The following INTS7 variants were observed in gnomAD, a reference collection of about 807,000 sequenced individuals.
INTS7 encodes the protein integrator complex subunit 7, also known as chromosome 1 open reading frame 73.
In INTS7, 46 loss-of-function variants were observed where a neutral mutation model predicts 109.2. The observed-to-expected ratio is 0.42, with a 90% CI of 0.33 to 0.54. INTS7 has a LOEUF of 0.54. Among genes scored for constraint, INTS7 ranks in the 20% least tolerant of loss-of-function variants. The pLI, the probability that INTS7 is intolerant of heterozygous loss-of-function variation, is 0.07. For synonymous variants in INTS7, 412 were observed against 402.9 expected, an observed-to-expected ratio of 1.02 and a Z score of -0.27; for missense variants, 929 against 1,132.4, an observed-to-expected ratio of 0.82 and a Z score of 2.58.
chr1:212,024,384 G>C (rs1429567127), intron 1 of INTS7, among the ~76,000 whole-genome samples: 2 of 152,118 alleles, frequency 1.3e-5, no homozygotes, highest in Non-Finnish European at 2.9e-5. Context: ...CCTTTTGGTA[G>C]TGTTTTGTAG....
At chr1:211,944,168 C>A (rs541884427) in intron 19 of INTS7, among the ~76,000 whole-genome samples, 1 of 150,918 alleles carries the variant, frequency 6.6e-6, no homozygotes, top group Non-Finnish European at 1.5e-5. Context: ...ATGGAGAAAA[C>A]TAAATAGATG....
intron 4 of INTS7, among the ~76,000 whole-genome samples, chr1:212,013,951 A>G (rs182402219): frequency 1.3e-5 from 2 of 152,334 alleles, no homozygotes; most frequent in African/African-American, 4.8e-5. Context: ...GAGACGTGTG[A>G]CTGAAATTTT....
At chr1:211,969,198 T>C (rs989333281) in intron 13 of INTS7, among the ~76,000 whole-genome samples, 17 of 150,304 alleles carry the variant, frequency 1.1e-4, no homozygotes, top group African/African-American at 3.9e-4. Context: ...GGCAGGAGAA[T>C]GGCGTGAACC....
intron 7 of INTS7, among the ~76,000 whole-genome samples, chr1:211,999,466 TAC>T (rs1300336295): frequency 4.6e-5 from 7 of 152,174 alleles, no homozygotes; most frequent in Non-Finnish European, 1.0e-4. Flanking sequence ...AAGGACTGAC[TAC>T]AGAGGGGCCT....
At chr1:211,984,627 C>T (rs1440112762) in intron 8 of INTS7, among the ~76,000 whole-genome samples, 2 of 151,924 alleles carry the variant, frequency 1.3e-5, no homozygotes, top group Non-Finnish European at 2.9e-5. Context: ...TAATGATTTT[C>T]TAAGATAAAC....
chr1:211,948,874 A>AT (rs1662959510), intron 17 of INTS7, among the ~76,000 whole-genome samples: 1 of 152,142 alleles, frequency 6.6e-6, no homozygotes, highest in South Asian at 2.1e-4. Flanking sequence ...CGCCTGGCTA[A>AT]CTTTGTATTT....
chr1:211,943,132 C>T (rs1283847684), intron 19 of INTS7, among the ~76,000 whole-genome samples: 4 of 151,912 alleles, frequency 2.6e-5, no homozygotes, highest in Non-Finnish European at 5.9e-5. Flanking sequence ...AAAGAATATG[C>T]CAACCAAAGA....
At chr1:211,960,738 G>C (rs1041462151) in intron 16 of INTS7, among the ~76,000 whole-genome samples, 8 of 152,166 alleles carry the variant, frequency 5.3e-5, no homozygotes, top group African/African-American at 1.2e-4. Context: ...TTCTGAATAA[G>C]AGAGTAAGAC....
At chr1:211,989,602 G>A (rs998003611) in intron 7 of INTS7, among the ~76,000 whole-genome samples, 5 of 151,938 alleles carry the variant, frequency 3.3e-5, no homozygotes, top group South Asian at 2.1e-4. Flanking sequence ...CAGGAGGATC[G>A]CCTGAGGTCA....
intron 1 of INTS7, chr1:212,030,896 G>A (rs1354058732): frequency 6.6e-6 from 1 of 152,170 alleles, no homozygotes. Flanking sequence ...TTTCTTGATG[G>A]TCTGAGAATT....
intron 1 of INTS7, among the ~76,000 whole-genome samples, chr1:212,021,770 C>A (rs1666719907): frequency 6.6e-6 from 1 of 151,828 alleles, no homozygotes; most frequent in South Asian, 2.1e-4. Flanking sequence ...ATCACTTGAG[C>A]CTGGGAAGTT....
At chr1:211,976,095 C>G (rs998256764) in intron 12 of INTS7, among the ~76,000 whole-genome samples, 2 of 152,132 alleles carry the variant, frequency 1.3e-5, no homozygotes, top group Non-Finnish European at 2.9e-5. Flanking sequence ...AGCCACCCCA[C>G]CCGGCCAGGA....
chr1:211,961,477 T>A (rs1322302816), intron 16 of INTS7, among the ~76,000 whole-genome samples: 1 of 151,772 alleles, frequency 6.6e-6, no homozygotes, highest in Non-Finnish European at 1.5e-5. Context: ...TTGCCCAGGC[T>A]GGAGTGCAGT....
chr1:212,024,866 T>C lies in INTS7; in HGVS notation c.95-3654A>G, dbSNP rs148703666. Among the ~76,000 whole-genome samples, 560 of 152,350 alleles carry C rather than the reference T, an allele frequency of 3.7e-3. 3 individuals are homozygous for C. Among genetic ancestry groups the C allele is most frequent in the Non-Finnish European group, 6.0e-3 (407 of 68,030 alleles). On this transcript the variant is annotated intron_variant, in intron 1 of 19. Transcript: ENST00000366994. Reference sequence around the variant, plus strand: ...AGCATTGAAAATCTTGTTGTCATCATGGATCTCCACTGTTGGTCTGATCAT... The same window carrying C: ...AGCATTGAAAATCTTGTTGTCATCACGGATCTCCACTGTTGGTCTGATCAT...
At chr1:211,951,057 C>A (rs1197469927) in intron 17 of INTS7, among the ~76,000 whole-genome samples, 1 of 152,146 alleles carries the variant, frequency 6.6e-6, no homozygotes, top group Admixed American at 6.5e-5. Flanking sequence ...AGGAATTGCC[C>A]ATCTTTAGAT....
At chr1:211,988,609 A>G (rs1319299373) in intron 7 of INTS7, among the ~76,000 whole-genome samples, 1 of 152,192 alleles carries the variant, frequency 6.6e-6, no homozygotes, top group Non-Finnish European at 1.5e-5. Flanking sequence ...GTTCATTTAT[A>G]ACAAAAGTAC....
chr1:211,975,889 A>G (rs576191107), intron 12 of INTS7, among the ~76,000 whole-genome samples: 2 of 152,258 alleles, frequency 1.3e-5, no homozygotes, highest in South Asian at 4.2e-4. Flanking sequence ...ACATAAAATT[A>G]AGAACATGCA....
intron 1 of INTS7, chr1:212,025,504 G>C (rs1666878187): frequency 6.6e-6 from 1 of 151,112 alleles, no homozygotes; most frequent in Non-Finnish European, 1.5e-5. Context: ...ACCCAACCAA[G>C]AAAAAAGAGT....
chr1:211,988,772 T>C (rs1399065673), intron 7 of INTS7, among the ~76,000 whole-genome samples: 1 of 152,234 alleles, frequency 6.6e-6, no homozygotes, highest in Non-Finnish European at 1.5e-5. Flanking sequence ...TTCATATATG[T>C]GTAATTTTTA....
Sources: gnomAD v4.1 joint callset for allele counts (sites outside exome capture counted in the v4.1 genomes callset) on GRCh38, gnomAD v4.1.1 for gene constraint, MANE v1.5 for transcripts, NCBI Gene and HGNC (gene_info 2026-07-23, HGNC 2026-07-21) for gene names.